RGMA: variants seen among roughly 807,000 people sequenced by gnomAD.
RGMA encodes repulsive guidance molecule A.
In RGMA, 10 loss-of-function variants were observed where a neutral mutation model predicts 23.2. The ratio of observed to expected loss-of-function variants is 0.43; its 90% CI spans 0.27 to 0.73. RGMA has a LOEUF of 0.73. Ranked by LOEUF, RGMA falls within the 30% of genes least tolerant of loss-of-function variation. The pLI is 0.20. For synonymous variants in RGMA, 308 were observed against 279.3 expected (o/e 1.10, Z -1.03); for missense variants, 547 against 630.5 (o/e 0.87, Z 1.42).
In RGMA at chr15:93,037,560, C is replaced by T. The variant is rs1227800494; in HGVS notation, c.*7438G>A. ...TACAGTCCTGCGGTCAGCATGGCCC[C>T]GAGCCAGCTCACCAGGGTAATAAAC... On this transcript the variant is annotated 3_prime_UTR_variant, in exon 4 of 4. Coordinates refer to ENST00000329082, the MANE Select transcript of RGMA (RefSeq NM_020211.3). This position sits in a 1 kb window ranked among gnomAD's most constrained non-coding sequence, Gnocchi z 4.3. The T allele has an allele frequency of 2.0e-5, 3 of 152,224 alleles. No individual in the cohort carries two copies. The highest frequency in any genetic ancestry group is 2.9e-5 in the Non-Finnish European group (2 of 68,076). The allele number at this position is 152,224 out of a possible 1,614,324, so 9.4% of individuals were successfully genotyped here.
chr15:93,076,297 T>C (rs1199099918), intron 1 of RGMA, among the ~76,000 whole-genome samples: 1 of 144,526 alleles, frequency 6.9e-6, no homozygotes, highest in East Asian at 1.9e-4. Context: ...AGCTATTTGA[T>C]GGGGGGAAAG....
intron 2 of RGMA, among the ~76,000 whole-genome samples, chr15:93,064,776 G>A (rs67216749): frequency 0.28 from 42,884 of 152,124 alleles, 8,357 homozygotes; most frequent in African/African-American, 0.55. Flanking sequence ...AGCTTTGCCA[G>A]CTTGTCTTCC....
In RGMA at chr15:93,043,255, C is replaced by CAG. The variant is rs2054750837; in HGVS notation, c.*1742_*1743insCT. The CAG allele has an allele frequency of 7.2e-6, 1 of 138,098 alleles. No individual in the cohort carries two copies. The highest frequency in any genetic ancestry group is 7.2e-5 in the Admixed American group (1 of 13,836). 8.6% of individuals were successfully genotyped at this position (138,098 alleles called of 1,614,324 possible). ...ATGCGTACATGCACGCACACAGGCACGCACACACACAGGCATGCATACACA... is the reference window on the plus strand; with the variant it reads ...ATGCGTACATGCACGCACACAGGCACAGGCACACACACAGGCATGCATACACA... On this transcript the variant is annotated 3_prime_UTR_variant, in exon 4 of 4. Coordinates refer to ENST00000329082, the MANE Select transcript of RGMA (RefSeq NM_020211.3).
Position 93,089,174 on chromosome 15 carries a change from G to A in RGMA, c.-242C>T. 3.4e-6 allele frequency: 1 copy of A among 295,918 alleles called. No individual in the cohort carries two copies. 18.3% of individuals were successfully genotyped at this position (295,918 alleles called of 1,614,324 possible). A position where few individuals can be genotyped will look rare whatever the true frequency, so the allele number is the denominator to read the frequency against. ...CAGTGCTTCCCCGGCCCAGCGGCTC[G>A]GGCGGCGCAGCCAGCGCTCGGGAGA... On this transcript the variant is annotated 5_prime_UTR_variant, in exon 1 of 4. Coordinates refer to ENST00000329082, the MANE Select transcript of RGMA (RefSeq NM_020211.3).
chr15:93,059,046 C>G (rs561009291), intron 2 of RGMA, among the ~76,000 whole-genome samples: 4 of 152,170 alleles, frequency 2.6e-5, no homozygotes, highest in Non-Finnish European at 5.9e-5. Context: ...GAATTTTGAT[C>G]GTCATTTTGC....
chr15:93,065,910 G>C, intron 2 of RGMA: 1 of 713,316 alleles, frequency 1.4e-6, no homozygotes, highest in Non-Finnish European at 2.5e-6. Context: ...GTTGCTGGCT[G>C]GGGGGCCGAG....
chr15:93,076,821 T>C (rs1895480007), intron 1 of RGMA, among the ~76,000 whole-genome samples: 1 of 152,136 alleles, frequency 6.6e-6, no homozygotes, highest in South Asian at 2.1e-4. Context: ...CTTGGCGTAC[T>C]GTGTGTGCCA....
At chr15:93,057,975 C>A (rs1002856211) in intron 2 of RGMA, among the ~76,000 whole-genome samples, 1 of 152,160 alleles carries the variant, frequency 6.6e-6, no homozygotes, top group Non-Finnish European at 1.5e-5. Context: ...CCTGTCACAA[C>A]CCCTTCCTTC....
intron 1 of RGMA, 91 bp from the exon 2 acceptor site, chr15:93,073,122 A>G (rs1895391823): frequency 7.4e-7 from 1 of 1,353,328 alleles, no homozygotes; most frequent in Non-Finnish European, 9.6e-7. Context: ...GCGAGCCGGG[A>G]GGCTCCGTCC....
At chr15:93,054,966 G>A (rs992373582) in intron 2 of RGMA, among the ~76,000 whole-genome samples, 4 of 152,298 alleles carry the variant, frequency 2.6e-5, no homozygotes, top group South Asian at 2.1e-4. Context: ...AGGTGAGTGT[G>A]GTGGGGGCGT....
chr15:93,088,935 G>GC lies in RGMA; in HGVS notation c.-4dup. ...CGCGCTTACCTTGGCGGCTGCATGA[G>GC]CCCCTGCGGCCCGCGGGGGGTGGCG... On this transcript the variant is annotated 5_prime_UTR_variant, in exon 1 of 4. Transcript: ENST00000329082. The GC allele has an allele frequency of 7.1e-7, 1 of 1,417,726 alleles. No individual in the cohort carries two copies. The allele number at this position is 1,417,726 out of a possible 1,614,324, so 87.8% of individuals were successfully genotyped here. A position where few individuals can be genotyped will look rare whatever the true frequency, so the allele number is the denominator to read the frequency against.
intron 3 of RGMA, among the ~76,000 whole-genome samples, chr15:93,050,934 G>A (rs2054907517): frequency 6.6e-6 from 1 of 152,192 alleles, no homozygotes; most frequent in South Asian, 2.1e-4. Context: ...AGGTGCAGGG[G>A]CCGTGGGGGA....
intron 2 of RGMA, among the ~76,000 whole-genome samples, chr15:93,061,364 G>A (rs1030316850): frequency 2.6e-5 from 4 of 152,090 alleles, no homozygotes; most frequent in Admixed American, 2.6e-4. Context: ...GCCCAGGCTC[G>A]GCCACGAACT....
At chr15:93,063,593 G>A (rs1895042601) in intron 2 of RGMA, among the ~76,000 whole-genome samples, 2 of 152,232 alleles carry the variant, frequency 1.3e-5, no homozygotes, top group African/African-American at 4.8e-5. Context: ...AACACACCCA[G>A]GTGAGCGCGG....
intron 2 of RGMA, among the ~76,000 whole-genome samples, chr15:93,070,983 C>T (rs1180297768): frequency 6.6e-6 from 1 of 152,218 alleles, no homozygotes. Flanking sequence ...ATGCAGCCTC[C>T]TACCTCTGGA....
chr15:93,062,510 G>A (rs565506627), intron 2 of RGMA, among the ~76,000 whole-genome samples: 1 of 152,308 alleles, frequency 6.6e-6, no homozygotes, highest in South Asian at 2.1e-4. Context: ...TGGTCAGAGT[G>A]TAGCCAGGAG....
chr15:93,049,537 G>A (rs1011276970), intron 3 of RGMA, among the ~76,000 whole-genome samples: 5 of 152,232 alleles, frequency 3.3e-5, no homozygotes, highest in Admixed American at 6.5e-5. Context: ...TGGCTAAAAT[G>A]TCCACGTAGA....
At position 93,045,136 on chromosome 15, in the gene RGMA, G is replaced by A. The variant is rs1394872451; in HGVS notation, c.1215C>T (p.His405=). The A allele has an allele frequency of 1.3e-6, 2 of 1,599,974 alleles. No individual in the cohort carries two copies. Among genetic ancestry groups the A allele is most frequent in the East Asian group, 4.5e-5 (2 of 44,254 alleles). The change falls in exon 4 of 4, where the codon CAC becomes CAT. Residue 405 remains histidine, a synonymous_variant. Transcript: ENST00000329082. This position sits in a 1 kb window ranked among gnomAD's most constrained non-coding sequence, Gnocchi z 6.9. The stretch of plus-strand genomic sequence containing the variant: ...ACAGGTGCAGTTTGTCTTTGTTGGA[G>A]TGGAGCATCTTGACATCCTCCAACG... ...YYALEDVKML[H]SNKDKLHLYE... is the part of the protein sequence containing the mutation.
intron 1 of RGMA, among the ~76,000 whole-genome samples, chr15:93,086,068 T>G (rs1381275004): frequency 6.6e-6 from 1 of 152,222 alleles, no homozygotes; most frequent in Non-Finnish European, 1.5e-5. Context: ...TTGGATAGGC[T>G]GGATACCAAA....
Sources: allele counts gnomAD v4.1 joint callset (sites outside exome capture counted in the v4.1 genomes callset), GRCh38; gene constraint gnomAD v4.1.1; non-coding constraint Gnocchi (gnomAD v3.1); transcripts MANE v1.5; gene names NCBI Gene and HGNC (gene_info 2026-07-23, HGNC 2026-07-21).